HLCS: variants seen among roughly 807,000 people sequenced by gnomAD.
HLCS encodes the protein holocarboxylase synthetase.
HLCS carries 53 observed loss-of-function variants against 75.0 expected under a neutral mutation model. The ratio of observed to expected loss-of-function variants is 0.71; its 90% CI spans 0.57 to 0.89. HLCS has a LOEUF of 0.89. Ranked by LOEUF, HLCS falls within the 40% of genes least tolerant of loss-of-function variation. HLCS has a pLI of 0.00. For synonymous variants in HLCS, 431 were observed against 428.6 expected, an observed-to-expected ratio of 1.01 and a Z score of -0.07; for missense variants, 966 against 1,074.0, an observed-to-expected ratio of 0.90 and a Z score of 1.41.
At chr21:36,925,647 TG>T (rs1311045770) in intron 5 of HLCS, among the ~76,000 whole-genome samples, 1 of 151,294 alleles carries the variant, frequency 6.6e-6, no homozygotes, top group Non-Finnish European at 1.5e-5. Flanking sequence ...GGGTGGAGGG[TG>T]GGGGGCTGGC....
At chr21:36,933,452 G>A (rs959506277) in intron 4 of HLCS, among the ~76,000 whole-genome samples, 1 of 151,106 alleles carries the variant, frequency 6.6e-6, no homozygotes, top group South Asian at 2.1e-4. Flanking sequence ...TTGGGAGGCT[G>A]AGGCAGGAGA....
At chr21:36,988,188 C>A (rs1250895109) in intron 1 of HLCS, among the ~76,000 whole-genome samples, 1 of 152,142 alleles carries the variant, frequency 6.6e-6, no homozygotes, top group Non-Finnish European at 1.5e-5. Flanking sequence ...TCTCATCCAC[C>A]CACTGCAAGT....
At chr21:36,875,119 C>T (rs1307058592) in intron 6 of HLCS, among the ~76,000 whole-genome samples, 1 of 152,212 alleles carries the variant, frequency 6.6e-6, no homozygotes, top group African/African-American at 2.4e-5. Flanking sequence ...TGACTTTGTA[C>T]AGGCCTGTGG....
chr21:36,985,469 C>T (rs965175853), intron 1 of HLCS, among the ~76,000 whole-genome samples: 1 of 149,630 alleles, frequency 6.7e-6, no homozygotes, highest in Admixed American at 6.7e-5. Context: ...CCCGTCTCTA[C>T]TAAAAATACA....
chr21:36,897,932 T>G (rs1296222178), intron 5 of HLCS, among the ~76,000 whole-genome samples: 1 of 152,130 alleles, frequency 6.6e-6, no homozygotes, highest in Non-Finnish European at 1.5e-5. Flanking sequence ...AAGAGGCCTG[T>G]ACAAAACTTA....
intron 6 of HLCS, among the ~76,000 whole-genome samples, chr21:36,840,356 T>C (rs2062573621): frequency 6.6e-6 from 1 of 152,210 alleles, no homozygotes; most frequent in Non-Finnish European, 1.5e-5. Context: ...TTCATAACTA[T>C]TGATGGGGAC....
chr21:36,888,692 G>A (rs1208136434), intron 6 of HLCS, among the ~76,000 whole-genome samples: 1 of 151,386 alleles, frequency 6.6e-6, no homozygotes, highest in Non-Finnish European at 1.5e-5. Context: ...CGCATCACCA[G>A]GTCAAAGGAG....
chr21:36,843,600 T>G (rs923497487), intron 6 of HLCS, among the ~76,000 whole-genome samples: 1 of 152,226 alleles, frequency 6.6e-6, no homozygotes, highest in East Asian at 1.9e-4. Flanking sequence ...ATACATCATA[T>G]CCTACTAATC....
chr21:36,804,484 A>G (rs1306889326), intron 6 of HLCS, among the ~76,000 whole-genome samples: 1 of 152,222 alleles, frequency 6.6e-6, no homozygotes, highest in Non-Finnish European at 1.5e-5. Flanking sequence ...AGAACCCTAC[A>G]GCAGGTTGTC....
chr21:36,958,301 G>A (rs372250541), intron 2 of HLCS, among the ~76,000 whole-genome samples: 16 of 151,010 alleles, frequency 1.1e-4, no homozygotes, highest in East Asian at 1.9e-4. Context: ...CACCAAAACC[G>A]TCGTATCAAC....
intron 5 of HLCS, among the ~76,000 whole-genome samples, chr21:36,929,916 G>A (rs2066561514): frequency 6.6e-6 from 1 of 152,210 alleles, no homozygotes; most frequent in African/African-American, 2.4e-5. Flanking sequence ...TTTGCTGAAA[G>A]TGGCTCAAGT....
chr21:36,980,097 A>G (rs1281475092), intron 1 of HLCS, among the ~76,000 whole-genome samples: 2 of 140,682 alleles, frequency 1.4e-5, no homozygotes, highest in East Asian at 4.3e-4. Flanking sequence ...CTGAAAAGGG[A>G]GGATTGCTTG....
intron 1 of HLCS, among the ~76,000 whole-genome samples, chr21:36,989,167 G>A (rs528832902): frequency 1.3e-5 from 2 of 151,764 alleles, no homozygotes. Context: ...CTCCGGAGTA[G>A]CTGAAACGAA....
intron 2 of HLCS, chr21:36,947,526 T>C: frequency 1.0e-6 from 1 of 985,146 alleles, no homozygotes; most frequent in South Asian, 4.7e-5. Context: ...AACAAAGGCA[T>C]GGAAAAGAGA....
At chr21:36,930,517 T>C in intron 4 of HLCS, 84 bp from the exon 5 acceptor site, 1 of 1,220,128 alleles carries the variant, frequency 8.2e-7, no homozygotes, top group Non-Finnish European at 1.2e-6. Flanking sequence ...TTTCTTTTTT[T>C]TTTTAAATTT....
intron 6 of HLCS, among the ~76,000 whole-genome samples, chr21:36,788,308 G>C (rs2060755123): frequency 6.6e-6 from 1 of 152,188 alleles, no homozygotes; most frequent in African/African-American, 2.4e-5. Context: ...GCCCGCCCAA[G>C]AGTGAGGCAA....
rs77623669 is a variant in HLCS at position 36,828,278 on chromosome 21, G to A, written c.1893-60993C>T. 2.8e-3 allele frequency among the ~76,000 whole-genome samples: 419 copies of A among 152,206 alleles called. 4 individuals carry two copies. Among genetic ancestry groups the A allele is most frequent in the African/African-American group, 9.9e-3 (409 of 41,518 alleles). On this transcript the variant is annotated intron_variant, in intron 6 of 10. Transcript: ENST00000674895. ...AATATCAACAAGGGAGCTGAGCTTT[G>A]CTAATAGGCCATAATTTATTTAAAA...
At chr21:36,946,926 G>C (rs899138548) in intron 2 of HLCS, among the ~76,000 whole-genome samples, 1 of 152,194 alleles carries the variant, frequency 6.6e-6, no homozygotes, top group African/African-American at 2.4e-5. Flanking sequence ...GTTGATTTCA[G>C]CTTTGGGAAT....
At chr21:36,762,210 T>G (rs2850106) in intron 8 of HLCS, among the ~76,000 whole-genome samples, 62,998 of 152,038 alleles carry the variant, frequency 0.41, 14,468 homozygotes, top group East Asian at 0.64. Flanking sequence ...CCACACGTGG[T>G]GGATACCCTA....
Sources: allele counts gnomAD v4.1 joint callset (sites outside exome capture counted in the v4.1 genomes callset), GRCh38; gene constraint gnomAD v4.1.1; transcripts MANE v1.5; gene names NCBI Gene and HGNC (gene_info 2026-07-23, HGNC 2026-07-21).